RANBP2: variants seen among roughly 807,000 people sequenced by gnomAD.
RANBP2 encodes the protein RAN binding protein 2.
RANBP2 carries 57 observed loss-of-function variants against 303.6 expected under a neutral mutation model. The ratio of observed to expected loss-of-function variants is 0.19; its 90% confidence interval spans 0.15 to 0.23. The LOEUF is 0.23. Ranked by LOEUF, RANBP2 falls within the 10% of genes least tolerant of loss-of-function variation. The probability of loss-of-function intolerance (pLI) is 1.00; values close to 1 mark genes in which losing one functional copy is unlikely to be tolerated. For synonymous variants in RANBP2, 1,167 were observed against 1,301.5 expected, an observed-to-expected ratio of 0.90 and a Z score of 2.23; for missense variants, 3,138 against 3,780.8, an observed-to-expected ratio of 0.83 and a Z score of 4.46.
the RANBP2 span, among the ~76,000 whole-genome samples, chr2:109,177,794 C>A: frequency 6.6e-6 from 1 of 152,204 alleles, no homozygotes; most frequent in African/African-American, 2.4e-5. Context: ...AATATTAAAG[C>A]CTATTAGACA....
At chr2:109,302,424 A>G in the RANBP2 span, among the ~76,000 whole-genome samples, 162 of 152,362 alleles carry the variant, frequency 1.1e-3, 2 homozygotes, top group South Asian at 3.1e-3. Context: ...CAATCCTGCC[A>G]TGCCATGGAG....
chr2:109,656,277 A>T, the RANBP2 span, among the ~76,000 whole-genome samples: 1 of 152,144 alleles, frequency 6.6e-6, no homozygotes, highest in Non-Finnish European at 1.5e-5. Context: ...TATACCATCC[A>T]TTGGAACCAC....
At chr2:109,137,051 G>A in the RANBP2 span, among the ~76,000 whole-genome samples, 1 of 152,212 alleles carries the variant, frequency 6.6e-6, no homozygotes, top group African/African-American at 2.4e-5. Context: ...GACAGCGATT[G>A]CATTGGTCTC....
the RANBP2 span, among the ~76,000 whole-genome samples, chr2:109,017,285 C>A: frequency 6.6e-6 from 1 of 152,228 alleles, no homozygotes; most frequent in Admixed American, 6.5e-5. Context: ...ACAACTTTTC[C>A]AAAGCTCTGG....
chr2:109,435,124 T>C, the RANBP2 span, among the ~76,000 whole-genome samples: 1 of 152,148 alleles, frequency 6.6e-6, no homozygotes, highest in Non-Finnish European at 1.5e-5. Flanking sequence ...GTAACTGCAG[T>C]GTCAGGAGGT....
the RANBP2 span, among the ~76,000 whole-genome samples, chr2:109,611,133 T>C: frequency 6.6e-6 from 1 of 152,134 alleles, no homozygotes; most frequent in Non-Finnish European, 1.5e-5. Context: ...TGGACATCCA[T>C]AGGCCAAAAA....
the RANBP2 span, among the ~76,000 whole-genome samples, chr2:108,961,651 C>T: frequency 6.6e-6 from 1 of 152,214 alleles, no homozygotes; most frequent in Non-Finnish European, 1.5e-5. Flanking sequence ...TTTTCTGAAA[C>T]TCTATGGTCA....
the RANBP2 span, among the ~76,000 whole-genome samples, chr2:109,320,754 C>T: frequency 6.6e-6 from 1 of 152,214 alleles, no homozygotes; most frequent in Non-Finnish European, 1.5e-5. Flanking sequence ...GGCAGATGAA[C>T]TTTCTGCTGG....
chr2:109,742,741 A>G, the RANBP2 span, among the ~76,000 whole-genome samples: 1 of 147,112 alleles, frequency 6.8e-6, no homozygotes, highest in East Asian at 1.9e-4. Flanking sequence ...ATGAAGTCAG[A>G]GTACTGACAC....
chr2:109,552,341 T>G, the RANBP2 span, among the ~76,000 whole-genome samples: 1 of 152,154 alleles, frequency 6.6e-6, no homozygotes, highest in African/African-American at 2.4e-5. Flanking sequence ...TTCACAGATA[T>G]CCATTTCAGG....
chr2:108,772,686 A>G (rs1484743423), intron 22 of RANBP2, 105 bp downstream of exon 22: 3 of 1,285,966 alleles, frequency 2.3e-6, no homozygotes, highest in South Asian at 2.7e-5. Context: ...TACGATGCCC[A>G]TGGTGATTTA....
the RANBP2 span, among the ~76,000 whole-genome samples, chr2:108,847,945 A>G: frequency 1.3e-5 from 2 of 152,198 alleles, no homozygotes; most frequent in Non-Finnish European, 1.5e-5. Flanking sequence ...AGAAGCAGGG[A>G]TTAGCTCAAA....
the RANBP2 span, chr2:109,502,083 C>T: frequency 5.4e-6 from 1 of 184,568 alleles, no homozygotes; most frequent in African/African-American, 2.3e-5. Flanking sequence ...TGGAGATCAT[C>T]TTTCTGGGCT....
At chr2:109,207,740 T>G in the RANBP2 span, among the ~76,000 whole-genome samples, 2 of 152,192 alleles carry the variant, frequency 1.3e-5, no homozygotes, top group Non-Finnish European at 2.9e-5. Context: ...ACTGAATTAT[T>G]TTATGTTGTA....
the RANBP2 span, among the ~76,000 whole-genome samples, chr2:108,953,157 GTC>G: frequency 6.6e-6 from 1 of 152,324 alleles, no homozygotes; most frequent in South Asian, 2.1e-4. Context: ...TGCTCTTGGA[GTC>G]TCTATTGAAA....
chr2:108,775,147 A>G (rs1415732320), intron 23 of RANBP2, among the ~76,000 whole-genome samples: 1 of 152,186 alleles, frequency 6.6e-6, no homozygotes, highest in African/African-American at 2.4e-5. Context: ...GCAGTTTGAA[A>G]TATTTTATTT....
chr2:109,438,508 C>T, the RANBP2 span, among the ~76,000 whole-genome samples: 6 of 152,194 alleles, frequency 3.9e-5, no homozygotes, highest in African/African-American at 1.4e-4. Context: ...TCAGAGCCTT[C>T]AAGACCTACT....
chr2:108,860,463 G>C, the RANBP2 span, among the ~76,000 whole-genome samples: 56 of 150,962 alleles, frequency 3.7e-4, no homozygotes, highest in African/African-American at 1.3e-3. Flanking sequence ...GATATTGACT[G>C]TAGTTTTGTC....
the RANBP2 span, chr2:109,612,999 T>C: frequency 6.8e-5 from 32 of 473,326 alleles, no homozygotes; most frequent in Admixed American, 3.3e-4. Flanking sequence ...AAAGAGCTTT[T>C]GTTTACACAG....
Sources: allele counts gnomAD v4.1 joint callset (sites outside exome capture counted in the v4.1 genomes callset), GRCh38; gene constraint gnomAD v4.1.1; transcripts MANE v1.5; gene names NCBI Gene and HGNC (gene_info 2026-07-23, HGNC 2026-07-21).